SMPD1: variants seen among roughly 807,000 people sequenced by gnomAD.
SMPD1 encodes sphingomyelin phosphodiesterase 1, also known as sphingomyelin phosphodiesterase.
In SMPD1, 47 loss-of-function variants were observed where a neutral mutation model predicts 49.7. The ratio of observed to expected loss-of-function variants is 0.95; its 90% CI spans 0.75 to 1.21. SMPD1 has a LOEUF of 1.21. Among genes scored for constraint, SMPD1 ranks in the 50% most tolerant of loss-of-function variants. SMPD1 has a pLI of 0.00. For missense variants in SMPD1, 811 were observed against 822.2 expected (o/e 0.99, Z 0.17); for synonymous variants, 336 against 339.6 (o/e 0.99, Z 0.12).
Position 6,394,439 on chromosome 11 carries a change from C to T in SMPD1, c.1728C>T (p.Tyr576=). 1.2e-6 allele frequency: 2 copies of T among 1,614,234 alleles called. No homozygotes were observed. Among genetic ancestry groups the T allele is most frequent in the Non-Finnish European group, 1.7e-6 (2 of 1,180,044 alleles). Reference sequence around the variant, plus strand: ...TTTTCCAGACCTTCTGGTTTCTCTACCATAAGGGCCACCCACCCTCGGAGC... The same window carrying T: ...TTTTCCAGACCTTCTGGTTTCTCTATCATAAGGGCCACCCACCCTCGGAGC... The part of the protein sequence containing the change: ...MQLFQTFWFL[Y]HKGHPPSEPC... The change falls in exon 6 of 6, where the codon TAC becomes TAT. Residue 576 remains tyrosine, a synonymous_variant. Coordinates refer to ENST00000342245, the MANE Select transcript of SMPD1 (RefSeq NM_000543.5).
At chr11:6,392,817 A>G (rs1847995290) in intron 2 of SMPD1, among the ~76,000 whole-genome samples, 1 of 151,672 alleles carries the variant, frequency 6.6e-6, no homozygotes, top group Non-Finnish European at 1.5e-5. Context: ...TTCTACTCTT[A>G]TCTCCAGCCA....
At chr11:6,393,812 G>A in intron 4 of SMPD1, 84 bp from the exon 5 acceptor site, 1 of 1,577,394 alleles carries the variant, frequency 6.3e-7, no homozygotes, top group East Asian at 2.2e-5. Flanking sequence ...CACTAGAACA[G>A]GTTGGAGAAA....
At chr11:6,393,170 C>T (rs760452681) in intron 2 of SMPD1, 46 bp from the exon 3 acceptor site, 4 of 1,570,132 alleles carry the variant, frequency 2.5e-6, no homozygotes, top group Non-Finnish European at 3.5e-6. Flanking sequence ...CACAGGAGGA[C>T]CAGGATTGGA....
Position 6,394,574 on chromosome 11 carries a change from C to A in SMPD1, c.1863C>A (p.Ala621=). 6.2e-7 allele frequency: 1 copy of A among 1,605,230 alleles called. No individual in the cohort carries two copies. Among genetic ancestry groups the A allele is most frequent in the Non-Finnish European group, 8.5e-7 (1 of 1,179,968 alleles). The change falls in exon 6 of 6, where the codon GCC becomes GCA. Residue 621 remains alanine (A), a synonymous_variant. Transcript: ENST00000342245. ...TGCCAGATGGGAGCCTCCCAGAGGCCCAGAGCCTGTGGCCAAGGCCACTGT... is the reference window on the plus strand; with the variant it reads ...TGCCAGATGGGAGCCTCCCAGAGGCACAGAGCCTGTGGCCAAGGCCACTGT... The part of the protein sequence containing the change: ...HLMPDGSLPE[A]QSLWPRPLFC
At position 6,394,393 on chromosome 11, in the gene SMPD1, G is replaced by C; in HGVS notation, c.1682G>C (p.Arg561Pro). ...LPTAWHNLVY[R>P]MRGDMQLFQT... The stretch of plus-strand genomic sequence containing the variant: ...ACCGCCTGGCACAACCTGGTATATC[G>C]CATGCGGGGCGACATGCAACTTTTC... Residue 561 changes from arginine (R) to proline (P), a missense_variant, in exon 6 of 6, where the codon CGC becomes CCC. By Grantham distance (103) the Arg-to-Pro change is moderately radical (BLOSUM62 -2). Coordinates refer to ENST00000342245, the MANE Select transcript of SMPD1 (RefSeq NM_000543.5). 1 of 1,614,208 alleles carries C rather than the reference G, an allele frequency of 6.2e-7. No homozygotes were observed. The highest frequency in any genetic ancestry group is 8.5e-7 in the Non-Finnish European group (1 of 1,180,040).
In SMPD1 at chr11:6,391,426, C is replaced by G; in HGVS notation, c.361C>G (p.Leu121Val). The G allele has an allele frequency of 6.2e-7, 1 of 1,613,398 alleles. No homozygotes were observed. The highest frequency in any genetic ancestry group is 8.5e-7 in the Non-Finnish European group (1 of 1,180,014). Residue 121 changes from leucine (L) to valine (V), a missense_variant, in exon 2 of 6, where the codon CTG becomes GTG. Leu to Val is a conservative substitution (Grantham distance 32). Transcript: ENST00000342245. ...TCGCGTGGGCTCCGTGGCCATCAAG[C>G]TGTGCAATCTGCTGAAGATAGCACC... ...VARVGSVAIK[L>V]CNLLKIAPPA...
rs754050017 is a variant in SMPD1, at chr11:6,390,581, C to T, written c.-18C>T. Reference sequence around the variant, plus strand: ...GGGGACGGGACAGACGAACCAGCCCCGTGTAGGAAGCGCGACAATGCCCCG... The same window carrying T: ...GGGGACGGGACAGACGAACCAGCCCTGTGTAGGAAGCGCGACAATGCCCCG... On this transcript the variant is annotated 5_prime_UTR_variant, in exon 1 of 6. Transcript: ENST00000342245. 1.2e-6 allele frequency: 2 copies of T among 1,609,218 alleles called. No individual in the cohort carries two copies. The highest frequency in any genetic ancestry group is 1.7e-6 in the Non-Finnish European group (2 of 1,178,540).
chr11:6,390,545 T>G lies in SMPD1; in HGVS notation c.-54T>G. The stretch of plus-strand genomic sequence containing the variant: ...CCGGGGCCCTGAGGGCTGGCTAGGG[T>G]CCAGGCCGGGGGGGACGGGACAGAC... On this transcript the variant is annotated 5_prime_UTR_variant, in exon 1 of 6. Transcript: ENST00000342245. 1 of 1,586,882 alleles carries G rather than the reference T, an allele frequency of 6.3e-7. No individual in the cohort carries two copies. The highest frequency in any genetic ancestry group is 8.6e-7 in the Non-Finnish European group (1 of 1,168,248).
rs749498245 is a variant in SMPD1, at chr11:6,394,208, G to A, written c.1497G>A (p.Val499=). 3.2e-5 allele frequency: 52 copies of A among 1,614,140 alleles called. No homozygotes were observed. Among genetic ancestry groups the A allele is most frequent in the Middle Eastern group, 3.3e-4 (2 of 6,062 alleles). ...TYIGLNPGYR[V]YQIDGNYSGS... is the part of the protein sequence containing the mutation. Reference sequence around the variant, plus strand: ...CCCACATCCTTGCAGGTTACCGTGTGTACCAAATAGATGGAAACTACTCCG... The same window carrying A: ...CCCACATCCTTGCAGGTTACCGTGTATACCAAATAGATGGAAACTACTCCG... The change falls in exon 6 of 6, where the codon GTG becomes GTA. Residue 499 remains valine, a synonymous_variant. Coordinates refer to ENST00000342245, the MANE Select transcript of SMPD1 (RefSeq NM_000543.5).
In SMPD1 at chr11:6,394,306, T is replaced by C. The variant is rs769209179; in HGVS notation, c.1595T>C (p.Ile532Thr). ...NLTQANIPGA[I>T]PHWQLLYRAR... ...ACCCAGGCAAACATACCGGGAGCCA[T>C]ACCGCACTGGCAGCTTCTCTACAGG... is the stretch of plus-strand genomic sequence containing the variant. Residue 532 changes from isoleucine (I) to threonine (T), a missense_variant, in exon 6 of 6, where the codon ATA becomes ACA. Physicochemically the swap from Ile to Thr is moderately conservative, Grantham distance 89. Transcript: ENST00000342245. 5.0e-6 allele frequency: 8 copies of C among 1,614,088 alleles called. No individual in the cohort carries two copies. In the Admixed American group the frequency reaches 8.3e-5, roughly 17 times the overall value.
chr11:6,394,926 G>A lies in SMPD1; in HGVS notation c.*319G>A, dbSNP rs1481118109. ...GCCCCAGGCCTGTGCTGCCCAGCCA[G>A]GAACCCTGTACTGCTGCTGCGACCT... On this transcript the variant is annotated 3_prime_UTR_variant, in exon 6 of 6. Transcript: ENST00000342245. 7 of 447,864 alleles carry A rather than the reference G, an allele frequency of 1.6e-5. No homozygotes were observed. Among genetic ancestry groups the A allele is most frequent in the African/African-American group, 5.9e-5 (3 of 50,540 alleles). 27.7% of individuals were successfully genotyped at this position (447,864 alleles called of 1,614,324 possible).
At chr11:6,393,811 A>G in intron 4 of SMPD1, 85 bp from the exon 5 acceptor site, 2 of 1,572,374 alleles carry the variant, frequency 1.3e-6, no homozygotes, top group Non-Finnish European at 1.8e-6. Flanking sequence ...TCACTAGAAC[A>G]GGTTGGAGAA....
In SMPD1 at chr11:6,393,985, C is replaced by A. The variant is rs753508874; in HGVS notation, c.1430C>A (p.Pro477Gln). The change falls in exon 5 of 6, where the codon CCG becomes CAG. Residue 477 changes from proline to glutamine, a missense_variant. Physicochemically the swap from Pro to Gln is moderately conservative, Grantham distance 76 (BLOSUM62 -1). Transcript: ENST00000342245. ...TATGATGAAGAGACTCTGAGCCGGCCGCTGGCTGTAGCCTTCCTGGCACCC... is the reference window on the plus strand; with the variant it reads ...TATGATGAAGAGACTCTGAGCCGGCAGCTGGCTGTAGCCTTCCTGGCACCC... The part of the protein sequence containing the change: ...VFYDEETLSR[P>Q]LAVAFLAPSA... 3 of 1,614,050 alleles carry A rather than the reference C, an allele frequency of 1.9e-6. No homozygotes were observed. Among genetic ancestry groups the A allele is most frequent in the African/African-American group, 2.7e-5 (2 of 74,906 alleles).
chr11:6,393,776 T>C (rs1848051599), intron 4 of SMPD1, 83 bp downstream of exon 4: 1 of 1,546,970 alleles, frequency 6.5e-7, no homozygotes, highest in Non-Finnish European at 8.9e-7. Context: ...ACCATCCCTG[T>C]TGTCCCATGG....
At position 6,393,376 on chromosome 11, in the gene SMPD1, C is replaced by T. The variant is rs755160837; in HGVS notation, c.1252C>T (p.Arg418Ter). Reference protein sequence around the residue: ...LVGELQAAEDRGDKVHIIGHI... With the variant: ...LVGELQAAED ...GGGGGAGCTTCAGGCTGCTGAGGAT[C>T]GAGGAGACAAAGTGAGGGCCAGTAG... The change falls in exon 3 of 6, where the codon CGA (arginine) becomes TGA (stop). Residue 418 changes from arginine (R) to a stop codon, truncating the protein, a stop_gained. Transcript: ENST00000342245. LOFTEE classifies it high-confidence loss of function. 3 of 1,612,640 alleles carry T rather than the reference C, an allele frequency of 1.9e-6. No homozygotes were observed. Among genetic ancestry groups the T allele is most frequent in the African/African-American group, 1.3e-5 (1 of 74,902 alleles).
Position 6,393,329 on chromosome 11 carries a change from C to A in SMPD1, c.1205C>A (p.Ala402Glu). 6.2e-7 allele frequency: 1 copy of A among 1,614,000 alleles called. No individual in the cohort carries two copies. Residue 402 changes from alanine (A) to glutamate (E), a missense_variant, in exon 3 of 6, where the codon GCA becomes GAA. Coordinates refer to ENST00000342245, the MANE Select transcript of SMPD1 (RefSeq NM_000543.5). ...FWLLINSTDP[A>E]GQLQWLVGEL... ...CTCTTGATCAACTCCACGGATCCCG[C>A]AGGACAGCTCCAGTGGCTGGTGGGG...
At position 6,394,377 on chromosome 11, in the gene SMPD1, C is replaced by T. The variant is rs780415152; in HGVS notation, c.1666C>T (p.His556Tyr). The T allele has an allele frequency of 6.2e-7, 1 of 1,614,254 alleles. No homozygotes were observed. Among genetic ancestry groups the T allele is most frequent in the African/African-American group, 1.3e-5 (1 of 75,070 alleles). ...GLPNTLPTAW[H>Y]NLVYRMRGDM... Reference sequence around the variant, plus strand: ...GCCCAACACACTGCCTACCGCCTGGCACAACCTGGTATATCGCATGCGGGG... The same window carrying T: ...GCCCAACACACTGCCTACCGCCTGGTACAACCTGGTATATCGCATGCGGGG... Residue 556 changes from histidine (H) to tyrosine (Y), a missense_variant, in exon 6 of 6, where the codon CAC becomes TAC. By Grantham distance (83) the His-to-Tyr change is moderately conservative. Transcript: ENST00000342245.
Position 6,390,676 on chromosome 11 carries a change from A to T in SMPD1, c.78A>T (p.Gly26=), listed in dbSNP as rs747512813. 2 of 1,611,922 alleles carry T rather than the reference A, an allele frequency of 1.2e-6. No homozygotes were observed. The highest frequency in any genetic ancestry group is 1.7e-6 in the Non-Finnish European group (2 of 1,179,068). ...AGCAGGGACAAGACGGGACCGCCGGAGCCCCCGGACTCCTTTGGATGGGCC... is the reference window on the plus strand; with the variant it reads ...AGCAGGGACAAGACGGGACCGCCGGTGCCCCCGGACTCCTTTGGATGGGCC... The part of the protein sequence containing the change: ...GREQGQDGTA[G]APGLLWMGLV... Residue 26 remains glycine, a synonymous_variant, in exon 1 of 6, where the codon GGA becomes GGT. Transcript: ENST00000342245.
In SMPD1 at chr11:6,390,622, C is replaced by G; in HGVS notation, c.24C>G (p.Leu8=). 6.2e-7 allele frequency: 1 copy of G among 1,612,866 alleles called. No individual in the cohort carries two copies. The highest frequency in any genetic ancestry group is 8.5e-7 in the Non-Finnish European group (1 of 1,179,736). The change falls in exon 1 of 6, where the codon CTC becomes CTG. Residue 8 remains leucine (L), a synonymous_variant. Transcript: ENST00000342245. ...CAATGCCCCGCTACGGAGCGTCACTCCGCCAGAGCTGCCCCAGGTCCGGCC... is the reference window on the plus strand; with the variant it reads ...CAATGCCCCGCTACGGAGCGTCACTGCGCCAGAGCTGCCCCAGGTCCGGCC... The part of the protein sequence containing the change: MPRYGAS[L]RQSCPRSGRE...
Sources: allele counts gnomAD v4.1 joint callset (sites outside exome capture counted in the v4.1 genomes callset), GRCh38; gene constraint gnomAD v4.1.1; transcripts MANE v1.5; gene names NCBI Gene and HGNC (gene_info 2026-07-23, HGNC 2026-07-21).